The following SCAPER variants were observed in gnomAD, a reference collection of about 807,000 sequenced individuals.
SCAPER encodes S-phase cyclin A associated protein in the ER, also known as S phase cyclin A-associated protein in the endoplasmic reticulum.
In SCAPER, 98 loss-of-function variants were observed where a neutral mutation model predicts 182.2. That is an observed-to-expected ratio of 0.54 (90% CI 0.46 to 0.64). The LOEUF is 0.64. Among genes scored for constraint, SCAPER ranks in the 30% least tolerant of loss-of-function variants. The pLI, the probability that SCAPER is intolerant of heterozygous loss-of-function variation, is 0.00. For synonymous variants in SCAPER, 605 were observed against 564.6 expected (o/e 1.07, Z -1.01); for missense variants, 1,432 against 1,690.0 (o/e 0.85, Z 2.68).
At chr15:76,701,689 T>A in intron 20 of SCAPER, 69 bp downstream of exon 20, 1 of 1,195,636 alleles carries the variant, frequency 8.4e-7, no homozygotes, top group South Asian at 1.3e-5. Flanking sequence ...AACACGGAAT[T>A]CTTTATAATA....
At chr15:76,864,931 T>C (rs2072157905) in intron 2 of SCAPER, among the ~76,000 whole-genome samples, 1 of 152,148 alleles carries the variant, frequency 6.6e-6, no homozygotes, top group Non-Finnish European at 1.5e-5. Context: ...CACACATTTT[T>C]TTCCTGAAGC....
chr15:76,583,625 T>A (rs918391335), intron 22 of SCAPER, among the ~76,000 whole-genome samples: 3 of 152,204 alleles, frequency 2.0e-5, no homozygotes, highest in African/African-American at 4.8e-5. Context: ...TGAATAGACA[T>A]TTCTCAAGAG....
chr15:76,848,312 T>G (rs12906715), intron 4 of SCAPER, among the ~76,000 whole-genome samples: 47,835 of 141,848 alleles, frequency 0.34, 8,008 homozygotes, highest in East Asian at 0.57. Context: ...AAACATTGTG[T>G]TTTTTTTGGG....
rs548393305 is a variant in SCAPER, at chr15:76,693,832, G to A, written c.2508+7926C>T. Among the ~76,000 whole-genome samples the A allele has an allele frequency of 4.7e-4, 72 of 152,202 alleles. 1 individual carries two copies. In the Middle Eastern group the frequency reaches 0.01, roughly 22 times the overall value. On this transcript the variant is annotated intron_variant, in intron 20 of 31. Transcript: ENST00000563290. Reference sequence around the variant, plus strand: ...AGTGATCACCAGGGTCTGGAGGGAGGAGGGAATGGAAAGTTAATGTTTAAT... The same window carrying A: ...AGTGATCACCAGGGTCTGGAGGGAGAAGGGAATGGAAAGTTAATGTTTAAT...
At chr15:76,765,127 GA>G in intron 13 of SCAPER, 55 bp from the exon 14 acceptor site, 1 of 1,306,398 alleles carries the variant, frequency 7.7e-7, no homozygotes, top group Non-Finnish European at 1.1e-6. Flanking sequence ...GATAAGGCCA[GA>G]AAAAGTGTTC....
intron 25 of SCAPER, among the ~76,000 whole-genome samples, chr15:76,448,266 A>C (rs2048139444): frequency 6.6e-6 from 1 of 152,196 alleles, no homozygotes; most frequent in African/African-American, 2.4e-5. Flanking sequence ...GTTACAATTA[A>C]CAGCAGGGAA....
At chr15:76,701,647 T>C (rs2058957465) in intron 20 of SCAPER, 111 bp downstream of exon 20, 5 of 791,438 alleles carry the variant, frequency 6.3e-6, no homozygotes, top group Admixed American at 2.5e-5. Flanking sequence ...AAGTGCTAAA[T>C]ATAGTTTTAA....
At chr15:76,568,011 C>A (rs1236049058) in intron 23 of SCAPER, among the ~76,000 whole-genome samples, 1 of 151,636 alleles carries the variant, frequency 6.6e-6, no homozygotes, top group Non-Finnish European at 1.5e-5. Flanking sequence ...ATATTTAGAT[C>A]CATCTGGAAT....
chr15:76,884,888 A>T (rs1269251932), intron 1 of SCAPER, among the ~76,000 whole-genome samples: 2 of 152,368 alleles, frequency 1.3e-5, no homozygotes, highest in East Asian at 3.9e-4. Context: ...GATGAAATTT[A>T]AAAACATCAT....
chr15:76,740,258 C>A (rs1567980394), intron 15 of SCAPER, among the ~76,000 whole-genome samples: 2 of 152,064 alleles, frequency 1.3e-5, no homozygotes, highest in Admixed American at 1.3e-4. Flanking sequence ...GCCTTGAATA[C>A]AGAGAACATG....
At chr15:76,419,237 G>A (rs901934488) in intron 26 of SCAPER, among the ~76,000 whole-genome samples, 14 of 151,750 alleles carry the variant, frequency 9.2e-5, no homozygotes, top group African/African-American at 2.7e-4. Context: ...CAGGTGGCAG[G>A]AGAATCGCTT....
intron 2 of SCAPER, among the ~76,000 whole-genome samples, chr15:76,864,049 G>C (rs1387914765): frequency 6.6e-6 from 1 of 152,128 alleles, no homozygotes; most frequent in African/African-American, 2.4e-5. Context: ...TGCCATGCCA[G>C]TACCCAAGCC....
chr15:76,499,377 C>G (rs1161807404), intron 24 of SCAPER, among the ~76,000 whole-genome samples: 3 of 152,160 alleles, frequency 2.0e-5, no homozygotes. Flanking sequence ...TACCTGACAG[C>G]TCTACATGGA....
chr15:76,726,124 A>AATATGAATATATATATATAT (rs1555555703), intron 17 of SCAPER, among the ~76,000 whole-genome samples: 115 of 15,288 alleles, frequency 7.5e-3, no homozygotes, highest in African/African-American at 0.016. Flanking sequence ...TAATGTCTAG[A>AATATGAATATATATATATAT]ATATATATAT....
intron 15 of SCAPER, among the ~76,000 whole-genome samples, chr15:76,737,177 C>T (rs1306668777): frequency 6.6e-6 from 1 of 152,206 alleles, no homozygotes; most frequent in African/African-American, 2.4e-5. Flanking sequence ...TCAGAGGAAT[C>T]ACTATCTATG....
At chr15:76,699,277 T>A (rs1008520712) in intron 20 of SCAPER, among the ~76,000 whole-genome samples, 5 of 152,214 alleles carry the variant, frequency 3.3e-5, no homozygotes, top group African/African-American at 1.2e-4. Flanking sequence ...CTGACTGCTC[T>A]GGCTAGGCCT....
chr15:76,537,377 T>C (rs973340168), intron 23 of SCAPER, among the ~76,000 whole-genome samples: 1 of 151,906 alleles, frequency 6.6e-6, no homozygotes, highest in Non-Finnish European at 1.5e-5. Context: ...GAGATACAGA[T>C]CAATGGAACA....
At chr15:76,476,623 T>TG (rs1555449284) in intron 24 of SCAPER, among the ~76,000 whole-genome samples, 1 of 137,104 alleles carries the variant, frequency 7.3e-6, no homozygotes, top group Non-Finnish European at 1.5e-5. Flanking sequence ...TTTTTTTTTT[T>TG]GTAGAGACAG....
intron 23 of SCAPER, among the ~76,000 whole-genome samples, chr15:76,534,415 C>T (rs894127485): frequency 6.6e-6 from 1 of 152,064 alleles, no homozygotes; most frequent in Non-Finnish European, 1.5e-5. Flanking sequence ...ACCAAAGATA[C>T]GGTCACAATT....
Sources: gnomAD v4.1 joint callset for allele counts (sites outside exome capture counted in the v4.1 genomes callset) on GRCh38, gnomAD v4.1.1 for gene constraint, MANE v1.5 for transcripts, NCBI Gene and HGNC (gene_info 2026-07-23, HGNC 2026-07-21) for gene names.